Variants in SLC9A1 observed in about 807,000 individuals in gnomAD.
SLC9A1 encodes the protein solute carrier family 9 member A1.
In SLC9A1, 22 loss-of-function variants were observed where a neutral mutation model predicts 67.9. The observed-to-expected ratio is 0.32, with a 90% CI of 0.23 to 0.46. The LOEUF (loss-of-function observed/expected upper bound fraction) is 0.46, where lower values mean the gene tolerates loss of function less well. Ranked by LOEUF, SLC9A1 falls within the 20% of genes least tolerant of loss-of-function variation. SLC9A1 has a pLI of 1.00. For synonymous variants in SLC9A1, 421 were observed against 471.8 expected, an observed-to-expected ratio of 0.89 and a Z score of 1.40; for missense variants, 686 against 1,094.8, an observed-to-expected ratio of 0.63 and a Z score of 5.27.
chr1:27,106,221 G>A lies in SLC9A1; in HGVS notation c.1283-134C>T. The A allele has an allele frequency of 1.5e-6, 1 of 652,506 alleles. No individual in the cohort carries two copies. Among genetic ancestry groups the A allele is most frequent in the South Asian group, 1.9e-5 (1 of 53,236 alleles). 40.4% of individuals were successfully genotyped at this position (652,506 alleles called of 1,614,324 possible). A position where few individuals can be genotyped will look rare whatever the true frequency, so the allele number is the denominator to read the frequency against. On this transcript the variant is annotated intron_variant, in intron 4 of 11. Transcript: ENST00000263980. This position sits in a 1 kb window ranked among gnomAD's most constrained non-coding sequence, Gnocchi z 4.3. ...GCCCACCCCGCTCACTCAATTCCTGGGTCCCTCAGCCCAGAGTGCTCTGAA... is the reference window on the plus strand; with the variant it reads ...GCCCACCCCGCTCACTCAATTCCTGAGTCCCTCAGCCCAGAGTGCTCTGAA...
chr1:27,115,803 C>T (rs533509903), intron 1 of SLC9A1, among the ~76,000 whole-genome samples: 1 of 152,050 alleles, frequency 6.6e-6, no homozygotes, highest in South Asian at 2.1e-4. Flanking sequence ...AAGCTCTGTG[C>T]AGGCAGATCC....
chr1:27,107,870 A>C lies in SLC9A1; in HGVS notation c.1065-5T>G. The C allele has an allele frequency of 3.2e-6, 5 of 1,584,566 alleles. No homozygotes were observed. Among genetic ancestry groups the C allele is most frequent in the Non-Finnish European group, 4.3e-6 (5 of 1,164,380 alleles). ...ACCACTCCTGAGGCTATGAGCCTGGAGCAGGAAAGAGCGGGGTCAGGGCTC... is the reference window on the plus strand; with the variant it reads ...ACCACTCCTGAGGCTATGAGCCTGGCGCAGGAAAGAGCGGGGTCAGGGCTC... On this transcript the variant is annotated splice_polypyrimidine_tract_variant and splice_region_variant and intron_variant, in intron 3 of 11. Coordinates refer to ENST00000263980, the MANE Select transcript of SLC9A1 (RefSeq NM_003047.5).
intron 1 of SLC9A1, among the ~76,000 whole-genome samples, chr1:27,129,267 G>A (rs1427107878): frequency 6.6e-6 from 1 of 152,174 alleles, no homozygotes; most frequent in East Asian, 1.9e-4. Context: ...TTCTGATAAC[G>A]ATCCAGCTGG....
At position 27,154,430 on chromosome 1, in the gene SLC9A1, C is replaced by T. The variant is rs1365552326; in HGVS notation, c.-96G>A. The T allele has an allele frequency of 2.8e-6, 2 of 705,982 alleles. No individual in the cohort carries two copies. Among genetic ancestry groups the T allele is most frequent in the Non-Finnish European group, 4.5e-6 (2 of 441,054 alleles). 43.7% of individuals were successfully genotyped at this position (705,982 alleles called of 1,614,324 possible). A position where few individuals can be genotyped will look rare whatever the true frequency, so the allele number is the denominator to read the frequency against. ...GTCAGCAAGTGGGAAGAGAGACTGG[C>T]GTAGTCTCTAGGAAAAGTTCATGTT... On this transcript the variant is annotated 5_prime_UTR_variant, in exon 1 of 12. Transcript: ENST00000263980.
At position 27,100,338 on chromosome 1, in the gene SLC9A1, T is replaced by A; in HGVS notation, c.2417A>T (p.Glu806Val). ...SDPGPHPEPG[E>V]GEPFFPKGQ ...CCCCTTGGGGAAGAACGGTTCTCCC[T>A]CCCCAGGCTCAGGGTGTGGGCCTGG... Residue 806 changes from glutamate to valine, a missense_variant, in exon 12 of 12, where the codon GAG (glutamate) becomes GTG (valine). Coordinates refer to ENST00000263980, the MANE Select transcript of SLC9A1 (RefSeq NM_003047.5). This position sits in a 1 kb window ranked among gnomAD's most constrained non-coding sequence, Gnocchi z 5.6. 1 of 1,537,794 alleles carries A rather than the reference T, an allele frequency of 6.5e-7. No individual in the cohort carries two copies. The highest frequency in any genetic ancestry group is 8.8e-7 in the Non-Finnish European group (1 of 1,142,328).
At chr1:27,133,765 ATTT>A (rs996909009) in intron 1 of SLC9A1, among the ~76,000 whole-genome samples, 1 of 138,536 alleles carries the variant, frequency 7.2e-6, no homozygotes, top group Non-Finnish European at 1.6e-5. Context: ...AGCCCTGGTA[ATTT>A]TTTTTTTTTT....
chr1:27,116,216 C>T (rs1055584979), intron 1 of SLC9A1, among the ~76,000 whole-genome samples: 5 of 152,066 alleles, frequency 3.3e-5, no homozygotes, highest in African/African-American at 1.2e-4. Flanking sequence ...AAAAATTGGC[C>T]AGGCGTGGTG....
chr1:27,148,185 G>A (rs1479047464), intron 1 of SLC9A1, among the ~76,000 whole-genome samples: 2 of 152,050 alleles, frequency 1.3e-5, no homozygotes, highest in South Asian at 2.1e-4. Context: ...AACATTCTGG[G>A]GGAAAGGACA....
At chr1:27,105,034 C>T (rs1045231378) in intron 5 of SLC9A1, among the ~76,000 whole-genome samples, 2 of 152,126 alleles carry the variant, frequency 1.3e-5, no homozygotes, top group Non-Finnish European at 2.9e-5. Flanking sequence ...CGCCTGGTTC[C>T]CTCACTTTAC....
rs1429726263 is a variant in SLC9A1, at chr1:27,106,611, C to T, written c.1283-524G>A. On this transcript the variant is annotated intron_variant, in intron 4 of 11. Coordinates refer to ENST00000263980, the MANE Select transcript of SLC9A1 (RefSeq NM_003047.5). This position sits in a 1 kb window ranked among gnomAD's most constrained non-coding sequence, Gnocchi z 4.3. Reference sequence around the variant, plus strand: ...GTCCTGCCAGGCTTGGGGACATGGACCTAACCCTCAGAGAGGAAGTGAGAG... The same window carrying T: ...GTCCTGCCAGGCTTGGGGACATGGATCTAACCCTCAGAGAGGAAGTGAGAG... Among the ~76,000 whole-genome samples, 1 of 152,032 alleles carries T rather than the reference C, an allele frequency of 6.6e-6. No individual in the cohort carries two copies. Among genetic ancestry groups the T allele is most frequent in the Non-Finnish European group, 1.5e-5 (1 of 67,992 alleles).
At chr1:27,127,313 T>C (rs932592554) in intron 1 of SLC9A1, among the ~76,000 whole-genome samples, 1 of 152,182 alleles carries the variant, frequency 6.6e-6, no homozygotes, top group Non-Finnish European at 1.5e-5. Flanking sequence ...GGTAGAGGCT[T>C]TCTATTGGAG....
rs2083184976 is a variant in SLC9A1, at chr1:27,106,372, A to G, written c.1283-285T>C. On this transcript the variant is annotated intron_variant, in intron 4 of 11. Coordinates refer to ENST00000263980, the MANE Select transcript of SLC9A1 (RefSeq NM_003047.5). The surrounding 1 kb of genome is among the most constrained non-coding windows in gnomAD (Gnocchi z 4.3). ...CAGGAAGAGGGAGAAAAGATCAAACAAGATGGGTCACAGGTCAATACTTGT... is the reference window on the plus strand; with the variant it reads ...CAGGAAGAGGGAGAAAAGATCAAACGAGATGGGTCACAGGTCAATACTTGT... Among the ~76,000 whole-genome samples, 1 of 152,064 alleles carries G rather than the reference A, an allele frequency of 6.6e-6. No homozygotes were observed. The highest frequency in any genetic ancestry group is 2.4e-5 in the African/African-American group (1 of 41,404).
intron 1 of SLC9A1, among the ~76,000 whole-genome samples, chr1:27,150,285 A>T (rs559672696): frequency 6.6e-6 from 1 of 152,288 alleles, no homozygotes; most frequent in Non-Finnish European, 1.5e-5. Flanking sequence ...CCAAAACCAA[A>T]AAAAGCTATA....
In SLC9A1 at chr1:27,115,332, C is replaced by T. The variant is rs189814694; in HGVS notation, c.353-1046G>A. 1.3e-3 allele frequency among the ~76,000 whole-genome samples: 203 copies of T among 152,270 alleles called. 1 individual carries two copies. The highest frequency in any genetic ancestry group is 2.2e-3 in the Non-Finnish European group (149 of 68,014). On this transcript the variant is annotated intron_variant, in intron 1 of 11. Transcript: ENST00000263980. ...AGAGCTGAGGAGTAGCAAAAATCCCCGTTGAGAGGGCCTCTCTCAATATCA... is the reference window on the plus strand; with the variant it reads ...AGAGCTGAGGAGTAGCAAAAATCCCTGTTGAGAGGGCCTCTCTCAATATCA...
rs771739434 is a variant in SLC9A1, at chr1:27,107,895, CCGTGT to C, written c.1065-35_1065-31del. ...AGCAGGAAAGAGCGGGGTCAGGGCT[CCGTGT>C]CGAGCTGCACCTGCTCGAGCCCCTC... is the stretch of plus-strand genomic sequence containing the variant. On this transcript the variant is annotated intron_variant, in intron 3 of 11. Coordinates refer to ENST00000263980, the MANE Select transcript of SLC9A1 (RefSeq NM_003047.5). 4 of 1,506,352 alleles carry C rather than the reference CCGTGT, an allele frequency of 2.7e-6. No individual in the cohort carries two copies. The South Asian group carries it at 4.7e-5, about 18-fold the overall frequency. The allele number at this position is 1,506,352 out of a possible 1,614,324, so 93.3% of individuals were successfully genotyped here.
Position 27,118,527 on chromosome 1 carries a change from G to C in SLC9A1, c.353-4241C>G, listed in dbSNP as rs35304971. Among the ~76,000 whole-genome samples the C allele has an allele frequency of 0.31, 47,399 of 152,016 alleles. 7,898 individuals carry two copies. Among genetic ancestry groups the C allele is most frequent in the Non-Finnish European group, 0.38 (25,645 of 67,940 alleles). ...AAGAGCAGGATGCTTGCTGACACCC[G>C]GTGTGGTGAAAGGGGCACAGAAGGA... is the stretch of plus-strand genomic sequence containing the variant. On this transcript the variant is annotated intron_variant, in intron 1 of 11. Transcript: ENST00000263980. The surrounding 1 kb of genome is among the most constrained non-coding windows in gnomAD (Gnocchi z 4.3).
At chr1:27,103,038 G>C (rs951032771) in intron 6 of SLC9A1, among the ~76,000 whole-genome samples, 185 bp downstream of exon 6, 2 of 152,158 alleles carry the variant, frequency 1.3e-5, no homozygotes, top group African/African-American at 2.4e-5. Context: ...CCCCTCCTCA[G>C]GCTCCCAGCT....
chr1:27,117,758 A>G (rs772119484), intron 1 of SLC9A1, among the ~76,000 whole-genome samples: 5 of 152,186 alleles, frequency 3.3e-5, no homozygotes, highest in Non-Finnish European at 7.4e-5. Flanking sequence ...CAGCAAGGTT[A>G]TGCCACTCCC....
At position 27,100,519 on chromosome 1, in the gene SLC9A1, G is replaced by A. The variant is rs369393494; in HGVS notation, c.2236C>T (p.Arg746Trp). ...TCCTCAGCCACCTTTGCAGGATCCC[G>A]GCTCAACCCTAAGACTTTGCCCTTC... The part of the protein sequence containing the change: ...ELKGKVLGLS[R>W]DPAKVAEEDE... Residue 746 changes from arginine to tryptophan, a missense_variant, in exon 12 of 12, where the codon CGG (arginine) becomes TGG (tryptophan). Arg to Trp is a moderately radical substitution (Grantham distance 101). Coordinates refer to ENST00000263980, the MANE Select transcript of SLC9A1 (RefSeq NM_003047.5). The surrounding 1 kb of genome is among the most constrained non-coding windows in gnomAD (Gnocchi z 5.6). The A allele has an allele frequency of 9.0e-5, 145 of 1,614,002 alleles. No individual in the cohort carries two copies. The highest frequency in any genetic ancestry group is 1.3e-4 in the African/African-American group (10 of 74,924).
Sources: gnomAD v4.1 joint callset for allele counts (sites outside exome capture counted in the v4.1 genomes callset) on GRCh38, gnomAD v4.1.1 for gene constraint, Gnocchi (gnomAD v3.1) non-coding constraint, MANE v1.5 for transcripts, NCBI Gene and HGNC (gene_info 2026-07-23, HGNC 2026-07-21) for gene names.